The following KCNH1 variants were observed in gnomAD, a reference collection of about 807,000 sequenced individuals.
KCNH1 encodes the protein voltage-gated delayed rectifier potassium channel KCNH1.
A neutral mutation model predicts 69.2 loss-of-function variants in KCNH1; 27 were observed. The ratio of observed to expected loss-of-function variants is 0.39; its 90% CI spans 0.29 to 0.54. The LOEUF (loss-of-function observed/expected upper bound fraction) is 0.54, where lower values mean the gene tolerates loss of function less well. Ranked by LOEUF, KCNH1 falls within the 20% of genes least tolerant of loss-of-function variation. The pLI is 0.68. For synonymous variants in KCNH1, 456 were observed against 487.7 expected (o/e 0.93, Z 0.86); for missense variants, 798 against 1,261.6 (o/e 0.63, Z 5.57).
At chr1:210,720,463 T>C (rs1380754020) in intron 10 of KCNH1, among the ~76,000 whole-genome samples, 1 of 152,150 alleles carries the variant, frequency 6.6e-6, no homozygotes, top group East Asian at 1.9e-4. Flanking sequence ...GATTAAGCAG[T>C]AAAAAAGGTA....
At chr1:210,892,781 T>C (rs1025139435) in intron 7 of KCNH1, among the ~76,000 whole-genome samples, 3 of 152,198 alleles carry the variant, frequency 2.0e-5, no homozygotes, top group African/African-American at 7.2e-5. Flanking sequence ...GGCAAAGCCC[T>C]TTCTGTCTTA....
At chr1:210,809,683 G>C (rs957218307) in intron 7 of KCNH1, among the ~76,000 whole-genome samples, 1 of 152,166 alleles carries the variant, frequency 6.6e-6, no homozygotes, top group Non-Finnish European at 1.5e-5. Context: ...TCTGTAGTGA[G>C]TGGTCTCTTA....
At chr1:210,938,916 G>A (rs115177490) in intron 6 of KCNH1, among the ~76,000 whole-genome samples, 45 of 152,244 alleles carry the variant, frequency 3.0e-4, no homozygotes, top group African/African-American at 8.2e-4. Flanking sequence ...GTAGAGAAAC[G>A]AGTACGAATA....
intron 5 of KCNH1, among the ~76,000 whole-genome samples, chr1:211,022,739 A>C (rs1266534799): frequency 6.6e-6 from 1 of 152,160 alleles, no homozygotes; most frequent in Non-Finnish European, 1.5e-5. Flanking sequence ...ATCATTACTA[A>C]TCATCAGGAA....
rs1688203360 is a variant in KCNH1 at position 210,957,578 on chromosome 1, C to A, written c.1033-37509G>T. On this transcript the variant is annotated intron_variant, in intron 6 of 10. Transcript: ENST00000271751. ...CTCTTTGTAGGTCTCTAAGGACTTC[C>A]TTTATGAATCTGGGTGCTCCTGTAT... Among the ~76,000 whole-genome samples the A allele has an allele frequency of 2.0e-5, 3 of 152,124 alleles. No homozygotes were observed. In the South Asian group the frequency reaches 6.2e-4, roughly 32 times the overall value.
chr1:210,778,875 T>C (rs2102376209), intron 9 of KCNH1, among the ~76,000 whole-genome samples: 1 of 152,326 alleles, frequency 6.6e-6, no homozygotes, highest in African/African-American at 2.4e-5. Context: ...TTCAAATGAA[T>C]TTGGGAGTCG....
chr1:211,112,463 G>A (rs1487948872), intron 1 of KCNH1, among the ~76,000 whole-genome samples: 2 of 148,504 alleles, frequency 1.3e-5, no homozygotes, highest in East Asian at 4.0e-4. Flanking sequence ...CCCCAAGTTT[G>A]CATTTTCGAC....
intron 10 of KCNH1, among the ~76,000 whole-genome samples, chr1:210,739,972 G>A (rs896887797): frequency 2.0e-5 from 3 of 152,004 alleles, no homozygotes; most frequent in African/African-American, 7.3e-5. Context: ...GATACCAGGG[G>A]GGGAAAAAAA....
intron 6 of KCNH1, among the ~76,000 whole-genome samples, chr1:211,010,150 C>T (rs370279338): frequency 1.3e-5 from 2 of 152,022 alleles, no homozygotes; most frequent in East Asian, 1.9e-4. Flanking sequence ...CACAGCCTAG[C>T]GGACGCAGAA....
intron 10 of KCNH1, among the ~76,000 whole-genome samples, chr1:210,687,950 G>C (rs959745213): frequency 2.0e-5 from 3 of 152,168 alleles, no homozygotes; most frequent in African/African-American, 7.2e-5. Flanking sequence ...GTACTGGACA[G>C]GTGATGGATG....
chr1:211,010,194 T>G (rs1689368500), intron 6 of KCNH1, among the ~76,000 whole-genome samples: 1 of 151,804 alleles, frequency 6.6e-6, no homozygotes. Context: ...TTTGGCCAGG[T>G]ATTAGGACTG....
chr1:210,755,849 A>G (rs904672271), intron 10 of KCNH1, among the ~76,000 whole-genome samples: 4 of 152,220 alleles, frequency 2.6e-5, no homozygotes, highest in African/African-American at 9.6e-5. Context: ...CCCACAGTGA[A>G]GTGAAAACCA....
At chr1:210,826,260 C>T (rs1250440983) in intron 7 of KCNH1, among the ~76,000 whole-genome samples, 2 of 152,072 alleles carry the variant, frequency 1.3e-5, no homozygotes, top group Non-Finnish European at 2.9e-5. Context: ...GGATGATTCT[C>T]CAGACCCATC....
At chr1:210,716,691 A>T (rs1401016119) in intron 10 of KCNH1, among the ~76,000 whole-genome samples, 1 of 152,114 alleles carries the variant, frequency 6.6e-6, no homozygotes, top group East Asian at 1.9e-4. Context: ...TTCAGGCTCT[A>T]TTGGTTGTGA....
intron 5 of KCNH1, among the ~76,000 whole-genome samples, chr1:211,077,954 G>C (rs1690768444): frequency 6.7e-6 from 1 of 149,530 alleles, no homozygotes; most frequent in African/African-American, 2.5e-5. Context: ...AAAAAAAAAA[G>C]CAGGGTTGCA....
At chr1:210,722,900 A>G (rs1264197079) in intron 10 of KCNH1, among the ~76,000 whole-genome samples, 3 of 152,192 alleles carry the variant, frequency 2.0e-5, no homozygotes, top group African/African-American at 7.2e-5. Context: ...TTGTGTAGGA[A>G]CCTGAGGCAT....
chr1:210,750,372 G>C (rs574748104), intron 10 of KCNH1, among the ~76,000 whole-genome samples: 63 of 152,230 alleles, frequency 4.1e-4, no homozygotes, highest in Non-Finnish European at 6.8e-4. Flanking sequence ...TTCTAAGCCA[G>C]GAAGGTCACC....
intron 1 of KCNH1, among the ~76,000 whole-genome samples, chr1:211,121,251 G>C (rs1571664008): frequency 6.6e-6 from 1 of 152,064 alleles, no homozygotes; most frequent in African/African-American, 2.4e-5. Flanking sequence ...AACAAAACTG[G>C]AGGCATCACA....
intron 10 of KCNH1, among the ~76,000 whole-genome samples, chr1:210,764,282 A>G (rs558254196): frequency 2.0e-4 from 30 of 152,248 alleles, no homozygotes; most frequent in African/African-American, 7.0e-4. Context: ...GAAAACCTAG[A>G]AAACACCCTC....
Sources: allele counts gnomAD v4.1 joint callset (sites outside exome capture counted in the v4.1 genomes callset), GRCh38; gene constraint gnomAD v4.1.1; transcripts MANE v1.5; gene names NCBI Gene and HGNC (gene_info 2026-07-23, HGNC 2026-07-21).